The following CRY1 variants were observed in gnomAD, a reference collection of about 807,000 sequenced individuals.
The protein encoded by CRY1 is cryptochrome-1.
In CRY1, 45 loss-of-function variants were observed where a neutral mutation model predicts 76.0. The observed-to-expected ratio is 0.59, with a 90% CI of 0.47 to 0.76. CRY1 has a LOEUF of 0.76. Among genes scored for constraint, CRY1 ranks in the 30% least tolerant of loss-of-function variants. The probability of loss-of-function intolerance (pLI) is 0.00; values close to 1 mark genes in which losing one functional copy is unlikely to be tolerated. For synonymous variants in CRY1, 248 were observed against 244.0 expected, an observed-to-expected ratio of 1.02 and a Z score of -0.15; for missense variants, 587 against 716.4, an observed-to-expected ratio of 0.82 and a Z score of 2.06.
chr12:107,015,000 C>T (rs987106360), intron 2 of CRY1, among the ~76,000 whole-genome samples: 5 of 152,192 alleles, frequency 3.3e-5, no homozygotes, highest in Admixed American at 2.0e-4. Flanking sequence ...GCCTCAGCCT[C>T]CTAAGTAGCT....
intron 1 of CRY1, among the ~76,000 whole-genome samples, chr12:107,061,307 A>G (rs59771871): frequency 0.028 from 4,204 of 152,168 alleles, 80 homozygotes; most frequent in African/African-American, 0.056. Flanking sequence ...TAATTCAGTG[A>G]ACCCTAAAAA....
Position 107,077,694 on chromosome 12 carries a change from G to C in CRY1, c.158+15110C>G, listed in dbSNP as rs149910398. 8.5e-4 allele frequency among the ~76,000 whole-genome samples: 128 copies of C among 151,294 alleles called. No individual in the cohort carries two copies. In the East Asian group the frequency reaches 0.021, roughly 25 times the overall value. ...CTGTGAATACACTATGCTCAGTCTT[G>C]ACTAAAAGTCTAGTTATCTAACCAA... On this transcript the variant is annotated intron_variant, in intron 1 of 12. Transcript: ENST00000008527.
At position 106,998,040 on chromosome 12, in the gene CRY1, T is replaced by C. The variant is rs1952254033; in HGVS notation, c.1164A>G (p.Ala388=). The C allele has an allele frequency of 1.9e-6, 3 of 1,614,096 alleles. No individual in the cohort carries two copies. The highest frequency in any genetic ancestry group is 1.7e-6 in the Non-Finnish European group (2 of 1,179,992). The stretch of plus-strand genomic sequence containing the variant: ...AACTTCCAGCATTTATGCTCCAATC[T>C]GCATCAAGCAATAATTCTTCAAATA... ...MKVFEELLLD[A]DWSINAGSWM... Residue 388 remains alanine (A), a synonymous_variant, in exon 8 of 13, where the codon GCA becomes GCG. Transcript: ENST00000008527.
intron 1 of CRY1, among the ~76,000 whole-genome samples, chr12:107,050,656 C>T (rs1429467492): frequency 4.6e-5 from 7 of 152,154 alleles, no homozygotes; most frequent in Non-Finnish European, 7.4e-5. Context: ...TATCTCTTTT[C>T]TTTATAAATT....
chr12:107,013,123 T>TA (rs1952463352), intron 2 of CRY1, among the ~76,000 whole-genome samples: 1 of 152,222 alleles, frequency 6.6e-6, no homozygotes, highest in Non-Finnish European at 1.5e-5. Flanking sequence ...CTCCAATTTT[T>TA]AAAGTTGTAC....
chr12:107,080,677 A>G (rs1334568956), intron 1 of CRY1, among the ~76,000 whole-genome samples: 1 of 152,070 alleles, frequency 6.6e-6, no homozygotes, highest in Non-Finnish European at 1.5e-5. Context: ...AAAAAAAGAA[A>G]AAAGTCAGGG....
chr12:106,994,847 C>T lies in CRY1; in HGVS notation c.1586-1811G>A, dbSNP rs139898136. Among the ~76,000 whole-genome samples, 518 of 152,310 alleles carry T rather than the reference C, an allele frequency of 3.4e-3. 3 individuals are homozygous for T. Among genetic ancestry groups the T allele is most frequent in the African/African-American group, 0.011 (471 of 41,552 alleles). ...GTGGGCTGACAAGGCAGGCTGTGAACTGAACAAGAGATCTGAAAGAACTTT... is the reference window on the plus strand; with the variant it reads ...GTGGGCTGACAAGGCAGGCTGTGAATTGAACAAGAGATCTGAAAGAACTTT... On this transcript the variant is annotated intron_variant, in intron 10 of 12. Transcript: ENST00000008527.
chr12:107,056,032 A>C (rs1952978734), intron 1 of CRY1, among the ~76,000 whole-genome samples: 1 of 152,222 alleles, frequency 6.6e-6, no homozygotes. Flanking sequence ...AGGAATTCCC[A>C]AACCAAAAGC....
intron 2 of CRY1, among the ~76,000 whole-genome samples, chr12:107,009,383 A>G (rs1952412709): frequency 6.6e-6 from 1 of 151,546 alleles, no homozygotes; most frequent in East Asian, 1.9e-4. Context: ...CAATAAAGAT[A>G]CAACAATTAG....
chr12:106,998,427 G>A (rs914827244), intron 7 of CRY1, among the ~76,000 whole-genome samples: 1 of 152,050 alleles, frequency 6.6e-6, no homozygotes, highest in Admixed American at 6.6e-5. Flanking sequence ...AAGCAAAAAT[G>A]CTATTACATA....
intron 1 of CRY1, among the ~76,000 whole-genome samples, chr12:107,032,081 T>G (rs997547354): frequency 1.1e-4 from 17 of 152,134 alleles, no homozygotes; most frequent in African/African-American, 3.6e-4. Context: ...ACTACAGGCA[T>G]GCGCCACCAC....
At chr12:107,066,519 G>A (rs1022692276) in intron 1 of CRY1, among the ~76,000 whole-genome samples, 13 of 149,714 alleles carry the variant, frequency 8.7e-5, no homozygotes, top group East Asian at 2.0e-4. Context: ...GCAGTGGCAC[G>A]ATCTCGGCTC....
At chr12:107,069,017 C>T (rs370820222) in intron 1 of CRY1, among the ~76,000 whole-genome samples, 6 of 152,218 alleles carry the variant, frequency 3.9e-5, no homozygotes, top group East Asian at 1.9e-4. Context: ...AATAGTGCTG[C>T]TATGGACATT....
chr12:107,060,836 G>C (rs2136883493), intron 1 of CRY1, among the ~76,000 whole-genome samples: 1 of 152,226 alleles, frequency 6.6e-6, no homozygotes, highest in African/African-American at 2.4e-5. Context: ...AAATTAGCCA[G>C]GTGTGGTGGC....
chr12:107,092,685 A>T (rs1953485834), intron 1 of CRY1, 119 bp downstream of exon 1: 1 of 1,434,280 alleles, frequency 7.0e-7, no homozygotes, highest in South Asian at 1.2e-5. Flanking sequence ...TAAAATTCGT[A>T]AGCGGTATAA....
chr12:107,010,201 G>A, intron 2 of CRY1, among the ~76,000 whole-genome samples: 1 of 152,136 alleles, frequency 6.6e-6, no homozygotes, highest in Admixed American at 6.5e-5. Flanking sequence ...TGCTTTTAAA[G>A]TCTGGAGAAT....
Position 106,998,068 on chromosome 12 carries a change from T to G in CRY1, c.1138-2A>C. ...ATCAAGCAATAATTCTTCAAATACC[T>G]TCAGAAGTAACAGTAACCAATTAGT... On this transcript the variant is annotated splice_acceptor_variant, in intron 7 of 12. Coordinates refer to ENST00000008527, the MANE Select transcript of CRY1 (RefSeq NM_004075.5). LOFTEE classifies it high-confidence loss of function. The G allele has an allele frequency of 1.9e-6, 3 of 1,613,914 alleles. No homozygotes were observed. Among genetic ancestry groups the G allele is most frequent in the Non-Finnish European group, 2.5e-6 (3 of 1,179,916 alleles).
chr12:107,057,774 T>A (rs1199159054), intron 1 of CRY1, among the ~76,000 whole-genome samples: 2 of 150,290 alleles, frequency 1.3e-5, no homozygotes, highest in African/African-American at 4.9e-5. Context: ...ATGAGTTAAT[T>A]AAGGTTAGGA....
chr12:106,996,421 G>T (rs1046069475), intron 10 of CRY1, among the ~76,000 whole-genome samples: 3 of 152,134 alleles, frequency 2.0e-5, no homozygotes, highest in African/African-American at 7.2e-5. Context: ...GAATAGTGCT[G>T]CAATGAACAT....
Sources: gnomAD v4.1 joint callset for allele counts (sites outside exome capture counted in the v4.1 genomes callset) on GRCh38, gnomAD v4.1.1 for gene constraint, MANE v1.5 for transcripts, NCBI Gene and HGNC (gene_info 2026-07-23, HGNC 2026-07-21) for gene names.